The following IFT140 variants were observed in gnomAD, a reference collection of about 807,000 sequenced individuals.
IFT140 encodes the protein intraflagellar transport protein 140 homolog.
Under a neutral mutation model 164.6 loss-of-function variants are expected in IFT140, and 133 were observed. The ratio of observed to expected loss-of-function variants is 0.81; its 90% CI spans 0.70 to 0.93. IFT140 has a LOEUF of 0.93. Ranked by LOEUF, IFT140 falls within the 40% of genes least tolerant of loss-of-function variation. The pLI, the probability that IFT140 is intolerant of heterozygous loss-of-function variation, is 0.00. For missense variants in IFT140, 2,045 were observed against 1,972.3 expected, an observed-to-expected ratio of 1.04 and a Z score of -0.70; for synonymous variants, 860 against 817.3, an observed-to-expected ratio of 1.05 and a Z score of -0.89.
chr16:1,611,447 C>G (rs542270820), intron 1 of IFT140, among the ~76,000 whole-genome samples: 18 of 145,362 alleles, frequency 1.2e-4, no homozygotes, highest in African/African-American at 4.4e-4. Flanking sequence ...TGCAGCGAGC[C>G]GAGATCGGGC....
chr16:1,534,156 G>A (rs1013903796), intron 19 of IFT140: 22 of 1,332,866 alleles, frequency 1.7e-5, no homozygotes, highest in African/African-American at 4.5e-5. Context: ...CGCCCGCGCC[G>A]CCCCGAGGAT....
chr16:1,527,382 G>A (rs557566719), intron 19 of IFT140, among the ~76,000 whole-genome samples: 121 of 152,238 alleles, frequency 7.9e-4, no homozygotes, highest in African/African-American at 2.7e-3. Context: ...GAGGTCTGCC[G>A]AGCAGAGGGC....
rs1198844614 is a variant in IFT140, at chr16:1,510,948, G to A, written c.4385C>T (p.Pro1462Leu). ...TGGTCCTGGGGCCCAGGCCCCTCAG[G>A]GGTCGTCATCTGCCTCTTCCACCAC... ...EEVVEEADDDP is the reference protein window; with the variant it reads ...EEVVEEADDDL Residue 1462 changes from proline to leucine, a missense_variant, in exon 31 of 31, where the codon CCC becomes CTC. Transcript: ENST00000426508. 6.8e-6 allele frequency: 11 copies of A among 1,610,874 alleles called. No individual in the cohort carries two copies. The highest frequency in any genetic ancestry group is 1.1e-5 in the South Asian group (1 of 90,422).
At chr16:1,571,362 C>T (rs375867705) in intron 14 of IFT140, 45 bp downstream of exon 14, 17 of 1,595,614 alleles carry the variant, frequency 1.1e-5, no homozygotes, top group South Asian at 6.8e-5. Flanking sequence ...TGTCTCCTGA[C>T]TGACTAAAAA....
At chr16:1,525,024 C>A in intron 22 of IFT140, 108 bp from the exon 23 acceptor site, 1 of 1,461,904 alleles carries the variant, frequency 6.8e-7, no homozygotes, top group South Asian at 1.3e-5. Flanking sequence ...ACCTGACCTG[C>A]AAACAGGCTG....
chr16:1,518,145 GAGCCGTTA>G (rs746845505), intron 30 of IFT140, 63 bp downstream of exon 30: 8 of 1,499,354 alleles, frequency 5.3e-6, no homozygotes, highest in Admixed American at 1.8e-5. Flanking sequence ...GCCTCAGTTT[GAGCCGTTA>G]AGCCTTCGTT....
intron 4 of IFT140, among the ~76,000 whole-genome samples, chr16:1,594,723 C>A (rs1263665154): frequency 6.6e-6 from 1 of 152,310 alleles, no homozygotes; most frequent in Non-Finnish European, 1.5e-5. Context: ...CAGGGACAGC[C>A]GGCGGGGCCT....
rs1464642004 is a variant in IFT140, at chr16:1,510,939, G to A, written c.*5C>T. On this transcript the variant is annotated 3_prime_UTR_variant, in exon 31 of 31. Coordinates refer to ENST00000426508, the MANE Select transcript of IFT140 (RefSeq NM_014714.4). ...GCAGCACGCTGGTCCTGGGGCCCAGGCCCCTCAGGGGTCGTCATCTGCCTC... is the reference window on the plus strand; with the variant it reads ...GCAGCACGCTGGTCCTGGGGCCCAGACCCCTCAGGGGTCGTCATCTGCCTC... The A allele has an allele frequency of 1.2e-5, 20 of 1,609,362 alleles. No homozygotes were observed. The highest frequency in any genetic ancestry group is 1.4e-5 in the Non-Finnish European group (16 of 1,178,438).
chr16:1,589,778 T>G lies in IFT140; in HGVS notation c.637A>C (p.Thr213Pro), dbSNP rs2141882480. The G allele has an allele frequency of 3.1e-6, 5 of 1,611,616 alleles. No individual in the cohort carries two copies. The highest frequency in any genetic ancestry group is 4.2e-6 in the Non-Finnish European group (5 of 1,177,888). The change falls in exon 7 of 31, where the codon ACA becomes CCA. Residue 213 changes from threonine to proline, a missense_variant and splice_region_variant. Thr to Pro is a conservative substitution (Grantham distance 38, BLOSUM62 -1). Coordinates refer to ENST00000426508, the MANE Select transcript of IFT140 (RefSeq NM_014714.4). Reference sequence around the variant, plus strand: ...CCCTTCTCATCCACATAGTGCACTGTCCCTGGGGACAAACGTGGGGTCACT... The same window carrying G: ...CCCTTCTCATCCACATAGTGCACTGGCCCTGGGGACAAACGTGGGGTCACT... ...LLFFVSLMDG[T>P]VHYVDEKGKT...
At chr16:1,609,196 TACAAATCCTG>T (rs1300085228) in intron 2 of IFT140, among the ~76,000 whole-genome samples, 1 of 152,104 alleles carries the variant, frequency 6.6e-6, no homozygotes, top group Admixed American at 6.6e-5. Context: ...GCCCCAAGGT[TACAAATCCTG>T]GGCTAAGGGA....
At chr16:1,568,437 T>C in intron 14 of IFT140, 103 bp from the exon 15 acceptor site, 2 of 934,338 alleles carry the variant, frequency 2.1e-6, no homozygotes, top group South Asian at 1.5e-5. Flanking sequence ...GCACAGCTCT[T>C]AGGCTGCTTC....
intron 24 of IFT140, 82 bp downstream of exon 24, chr16:1,524,470 T>C (rs2040614003): frequency 6.5e-7 from 1 of 1,545,728 alleles, no homozygotes. Flanking sequence ...ACTGACACGA[T>C]TCTCTCTGTC....
rs145858131 is a variant in IFT140, at chr16:1,587,968, G to C, written c.867C>G (p.Ser289Arg). Reference sequence around the variant, plus strand: ...CCTCCCCGACGGCCATCACGAGAAGGCTGCCTTCAATCAAAGCGATGTCTG... The same window carrying C: ...CCTCCCCGACGGCCATCACGAGAAGCCTGCCTTCAATCAAAGCGATGTCTG... ...RRADIALIEGSLLVMAVGEAA... is the reference protein window; with the variant it reads ...RRADIALIEGRLLVMAVGEAA... The change falls in exon 8 of 31, where the codon AGC (serine) becomes AGG (arginine). Residue 289 changes from serine to arginine, a missense_variant. Physicochemically the swap from Ser to Arg is moderately radical, Grantham distance 110 (BLOSUM62 -1). Transcript: ENST00000426508. 2.3e-4 allele frequency: 375 copies of C among 1,613,540 alleles called. No individual in the cohort carries two copies. The highest frequency in any genetic ancestry group is 4.2e-4 in the Admixed American group (25 of 59,950).
chr16:1,517,173 C>G (rs576206071), intron 30 of IFT140, among the ~76,000 whole-genome samples: 1 of 152,212 alleles, frequency 6.6e-6, no homozygotes, highest in Non-Finnish European at 1.5e-5. Flanking sequence ...GAGTTCAAGA[C>G]CAGCCTGGCC....
At chr16:1,605,982 G>A (rs113631810) in intron 3 of IFT140, among the ~76,000 whole-genome samples, 1,640 of 152,292 alleles carry the variant, frequency 0.011, 8 homozygotes, top group Non-Finnish European at 0.017. Flanking sequence ...AGAAGGGAAG[G>A]CCGGATGACA....
At chr16:1,572,905 G>A (rs758858143) in intron 13 of IFT140, among the ~76,000 whole-genome samples, 3 of 152,312 alleles carry the variant, frequency 2.0e-5, no homozygotes, top group Non-Finnish European at 2.9e-5. Flanking sequence ...AGATGCGAAC[G>A]GCTGAATGCA....
At chr16:1,588,414 A>G (rs543184302) in intron 7 of IFT140, among the ~76,000 whole-genome samples, 2 of 152,146 alleles carry the variant, frequency 1.3e-5, no homozygotes, top group South Asian at 4.1e-4. Context: ...AGTCTCAGCT[A>G]CTTGGGAGGC....
rs1005879477 is a variant in IFT140 at position 1,570,066 on chromosome 16, C to T, written c.1652+1341G>A. On this transcript the variant is annotated intron_variant, in intron 14 of 30. Coordinates refer to ENST00000426508, the MANE Select transcript of IFT140 (RefSeq NM_014714.4). Reference sequence around the variant, plus strand: ...CATCTTTATGAGGTTTTTTGGTTTGCTTTGTTTTTAGCACTTCCTCACTTT... The same window carrying T: ...CATCTTTATGAGGTTTTTTGGTTTGTTTTGTTTTTAGCACTTCCTCACTTT... Among the ~76,000 whole-genome samples the T allele has an allele frequency of 5.3e-5, 8 of 152,036 alleles. 1 individual carries two copies. The highest frequency in any genetic ancestry group is 5.2e-4 in the Admixed American group (8 of 15,266).
Position 1,572,474 on chromosome 16 carries a change from G to A in IFT140, c.1525-940C>T, listed in dbSNP as rs139872722. 3.1e-3 allele frequency among the ~76,000 whole-genome samples: 471 copies of A among 152,150 alleles called. 1 individual carries two copies. The highest frequency in any genetic ancestry group is 5.2e-3 in the Admixed American group (80 of 15,284). ...ATCCAGGCTAACACGGTGAAACCCC[G>A]TCTCTACTAAAAATACAAAAAATTA... On this transcript the variant is annotated intron_variant, in intron 13 of 30. Coordinates refer to ENST00000426508, the MANE Select transcript of IFT140 (RefSeq NM_014714.4).
Sources: gnomAD v4.1 joint callset for allele counts (sites outside exome capture counted in the v4.1 genomes callset) on GRCh38, gnomAD v4.1.1 for gene constraint, MANE v1.5 for transcripts, NCBI Gene and HGNC (gene_info 2026-07-23, HGNC 2026-07-21) for gene names.